DLGAP2: variants seen among roughly 807,000 people sequenced by gnomAD.
DLGAP2 encodes DLG associated protein 2, also known as disks large-associated protein 2.
A neutral mutation model predicts 100.3 loss-of-function variants in DLGAP2; 26 were observed. That is an observed-to-expected ratio of 0.26 (90% CI 0.19 to 0.36). The LOEUF (loss-of-function observed/expected upper bound fraction) is 0.36. Ranked by LOEUF, DLGAP2 falls within the 10% of genes least tolerant of loss-of-function variation. DLGAP2 has a pLI of 1.00. For missense variants in DLGAP2, 1,858 were observed against 1,453.2 expected, an observed-to-expected ratio of 1.28 and a Z score of -4.53; for synonymous variants, 886 against 630.1, an observed-to-expected ratio of 1.41 and a Z score of -6.08.
chr8:1,142,628 G>C (rs967210576), intron 2 of DLGAP2, among the ~76,000 whole-genome samples: 9 of 152,214 alleles, frequency 5.9e-5, no homozygotes, highest in African/African-American at 2.2e-4. Flanking sequence ...ACAGGGTTTT[G>C]GGAAGTGCGG....
At chr8:1,232,590 A>G (rs903102079) in intron 2 of DLGAP2, among the ~76,000 whole-genome samples, 1 of 152,154 alleles carries the variant, frequency 6.6e-6, no homozygotes, top group Non-Finnish European at 1.5e-5. Context: ...TATCCTTTAC[A>G]TTGGCTGATG....
intron 1 of DLGAP2, among the ~76,000 whole-genome samples, chr8:788,390 C>T (rs1821934906): frequency 6.6e-6 from 1 of 152,120 alleles, no homozygotes; most frequent in Admixed American, 6.5e-5. Context: ...TGGTTGTGGC[C>T]TTGGCATCCG....
At chr8:1,174,477 CCATCATCATCAT>C (rs1024044070) in intron 2 of DLGAP2, among the ~76,000 whole-genome samples, 1 of 151,336 alleles carries the variant, frequency 6.6e-6, no homozygotes, top group African/African-American at 2.4e-5. Flanking sequence ...ATTACCATTA[CCATCATCATCAT>C]CATTACCATC....
At chr8:1,165,004 T>A (rs141411959) in intron 2 of DLGAP2, among the ~76,000 whole-genome samples, 1 of 152,158 alleles carries the variant, frequency 6.6e-6, no homozygotes, top group Admixed American at 6.5e-5. Flanking sequence ...GAGACTGTTA[T>A]GAGTTCAGGG....
At chr8:1,059,762 G>A (rs1803015008) in intron 2 of DLGAP2, among the ~76,000 whole-genome samples, 2 of 152,188 alleles carry the variant, frequency 1.3e-5, no homozygotes, top group Non-Finnish European at 2.9e-5. Context: ...CCACGTCTGT[G>A]CAGGCGCAGT....
rs183122536 is a variant in DLGAP2 at position 1,098,505 on chromosome 8, G to C, written c.74-160346G>C. Among the ~76,000 whole-genome samples, 1,144 of 152,176 alleles carry C rather than the reference G, an allele frequency of 7.5e-3. 73 individuals are homozygous for C. The highest frequency in any genetic ancestry group is 0.068 in the Admixed American group (1,040 of 15,232). On this transcript the variant is annotated intron_variant, in intron 2 of 14. Transcript: ENST00000637795. The stretch of plus-strand genomic sequence containing the variant: ...AAGGCACGGAGCAGCTGGGAATGCA[G>C]CCAGTGTTTGTTGGGCTTCAGGGAG...
chr8:1,691,370 C>T (rs753611872), intron 12 of DLGAP2, among the ~76,000 whole-genome samples, 165 bp from the exon 13 acceptor site: 3 of 152,164 alleles, frequency 2.0e-5, no homozygotes, highest in South Asian at 2.1e-4. Context: ...GAGTTGGGGA[C>T]GAGCACACTA....
At chr8:1,393,074 A>T (rs1244698123) in intron 3 of DLGAP2, among the ~76,000 whole-genome samples, 18 of 31,050 alleles carry the variant, frequency 5.8e-4, no homozygotes, top group East Asian at 5.1e-3. Flanking sequence ...CTCGTCCTCC[A>T]GAGTCGTGCA....
intron 3 of DLGAP2, among the ~76,000 whole-genome samples, chr8:1,374,771 A>G (rs1236107620): frequency 1.3e-5 from 2 of 152,064 alleles, no homozygotes; most frequent in Non-Finnish European, 1.5e-5. Context: ...CCTGCAGGGC[A>G]CCGAGGCACC....
Position 1,626,824 on chromosome 8 carries a change from C to G in DLGAP2, c.1527C>G (p.Arg509=). Reference sequence around the variant, plus strand: ...CGAACTACAACTCCCCGAAATTCCGCTCCCGGAACCAGAGCTACATGAGGG... The same window carrying G: ...CGAACTACAACTCCCCGAAATTCCGGTCCCGGAACCAGAGCTACATGAGGG... ...PAANYNSPKF[R]SRNQSYMRAV... The change falls in exon 7 of 15, where the codon CGC becomes CGG. Residue 509 remains arginine (R), a synonymous_variant. Coordinates refer to ENST00000637795, the MANE Select transcript of DLGAP2 (RefSeq NM_001346810.2). The G allele has an allele frequency of 6.2e-7, 1 of 1,606,548 alleles. No individual in the cohort carries two copies. The highest frequency in any genetic ancestry group is 8.5e-7 in the Non-Finnish European group (1 of 1,176,830).
intron 2 of DLGAP2, among the ~76,000 whole-genome samples, chr8:1,058,001 T>G (rs1337233491): frequency 6.6e-6 from 1 of 152,234 alleles, no homozygotes; most frequent in Admixed American, 6.5e-5. Flanking sequence ...AACCTAAGAT[T>G]ATGGGAAAAC....
chr8:1,571,480 A>C (rs1802677584), intron 6 of DLGAP2, among the ~76,000 whole-genome samples: 4 of 119,170 alleles, frequency 3.4e-5, no homozygotes, highest in Admixed American at 8.7e-5. Flanking sequence ...GGGGTGTCTG[A>C]TGAGATGGAG....
intron 2 of DLGAP2, among the ~76,000 whole-genome samples, chr8:983,449 A>G (rs144717510): frequency 0.086 from 11,778 of 137,530 alleles, 565 homozygotes; most frequent in Admixed American, 0.14. Context: ...ACAGGTCGTC[A>G]AGATGTTCTT....
At chr8:1,199,557 C>T (rs1797825290) in intron 2 of DLGAP2, among the ~76,000 whole-genome samples, 1 of 152,184 alleles carries the variant, frequency 6.6e-6, no homozygotes, top group African/African-American at 2.4e-5. Flanking sequence ...GGAGACTCAG[C>T]AGTTGGCTTC....
intron 2 of DLGAP2, among the ~76,000 whole-genome samples, chr8:1,179,603 A>T (rs1042675832): frequency 3.9e-5 from 6 of 152,260 alleles, no homozygotes; most frequent in African/African-American, 1.4e-4. Context: ...TAACTCTCCA[A>T]GTTGCCTTTG....
intron 2 of DLGAP2, among the ~76,000 whole-genome samples, chr8:1,112,334 C>G (rs2123052): frequency 0.95 from 141,901 of 150,012 alleles, 67,255 homozygotes; most frequent in Non-Finnish European, 0.97. Flanking sequence ...TCCGCCTCCC[C>G]GGTTCATGCC....
In DLGAP2 at chr8:1,076,660, G is replaced by A. The variant is rs1225461529; in HGVS notation, c.73+168694G>A. Reference sequence around the variant, plus strand: ...TTCCCAGCAGTTGGCAGAGTTTTAGGAATGAAGCATCGTCTTCCTCATCGT... The same window carrying A: ...TTCCCAGCAGTTGGCAGAGTTTTAGAAATGAAGCATCGTCTTCCTCATCGT... On this transcript the variant is annotated intron_variant, in intron 2 of 14. Transcript: ENST00000637795. Among the ~76,000 whole-genome samples, 4 of 152,212 alleles carry A rather than the reference G, an allele frequency of 2.6e-5. No homozygotes were observed. In the East Asian group the frequency reaches 7.7e-4, roughly 29 times the overall value.
At chr8:1,092,923 TA>T (rs1396914505) in intron 2 of DLGAP2, among the ~76,000 whole-genome samples, 1 of 152,102 alleles carries the variant, frequency 6.6e-6, no homozygotes, top group Admixed American at 6.5e-5. Flanking sequence ...ACAGACCCCA[TA>T]GGGGTGTTTG....
chr8:1,236,127 A>G (rs1164863057), intron 2 of DLGAP2, among the ~76,000 whole-genome samples: 1 of 96,894 alleles, frequency 1.0e-5, no homozygotes, highest in Non-Finnish European at 1.9e-5. Context: ...GTTCTCTCAC[A>G]TGTTGCCGTG....
Sources: gnomAD v4.1 joint callset for allele counts (sites outside exome capture counted in the v4.1 genomes callset) on GRCh38, gnomAD v4.1.1 for gene constraint, MANE v1.5 for transcripts, NCBI Gene and HGNC (gene_info 2026-07-23, HGNC 2026-07-21) for gene names.